Variants in FOXK1 observed in about 807,000 individuals in gnomAD.
The protein encoded by FOXK1 is forkhead box K1.
A neutral mutation model predicts 51.9 loss-of-function variants in FOXK1; 19 were observed. The ratio of observed to expected loss-of-function variants is 0.37; its 90% CI spans 0.26 to 0.54. The LOEUF (loss-of-function observed/expected upper bound fraction) is 0.54, where lower values mean the gene tolerates loss of function less well. Among genes scored for constraint, FOXK1 ranks in the 20% least tolerant of loss-of-function variants. The pLI is 0.87. For missense variants in FOXK1, 870 were observed against 1,032.7 expected, an observed-to-expected ratio of 0.84 and a Z score of 2.16; for synonymous variants, 537 against 482.6, an observed-to-expected ratio of 1.11 and a Z score of -1.48.
In FOXK1 at chr7:4,762,604, C is replaced by T. The variant is rs1408850180; in HGVS notation, c.*140C>T. ...GGCATCGGCGGCACCTGGACACACC[C>T]AGCCCTTTCCATTTGATCGCCTGCC... is the stretch of plus-strand genomic sequence containing the variant. On this transcript the variant is annotated 3_prime_UTR_variant, in exon 9 of 9. Transcript: ENST00000328914. The surrounding 1 kb of genome is among the most constrained non-coding windows in gnomAD (Gnocchi z 5.7). 9.4e-6 allele frequency: 7 copies of T among 745,830 alleles called. No individual in the cohort carries two copies. Among genetic ancestry groups the T allele is most frequent in the Non-Finnish European group, 1.3e-5 (6 of 471,006 alleles). The allele number at this position is 745,830 out of a possible 1,614,324, so 46.2% of individuals were successfully genotyped here.
Position 4,759,567 on chromosome 7 carries a change from C to A in FOXK1, c.1668C>A (p.Ala556=), listed in dbSNP as rs370318084. The change falls in exon 7 of 9, where the codon GCC becomes GCA. Residue 556 remains alanine (A), a synonymous_variant. Transcript: ENST00000328914. ...GCTCCCATGATGCGGCGGGCGCAGC[C>A]GTGCTGGACCTGGGCAGCGAGGCCA... is the stretch of plus-strand genomic sequence containing the variant. ...AGGSHDAAGA[A]VLDLGSEARG... 6.5e-7 allele frequency: 1 copy of A among 1,538,402 alleles called. No individual in the cohort carries two copies. Among genetic ancestry groups the A allele is most frequent in the Admixed American group, 2.0e-5 (1 of 51,234 alleles).
At chr7:4,728,218 T>C (rs915292671) in intron 1 of FOXK1, among the ~76,000 whole-genome samples, 1 of 152,228 alleles carries the variant, frequency 6.6e-6, no homozygotes, top group Non-Finnish European at 1.5e-5. Context: ...TCTGATTCTT[T>C]GGATCATCGA....
chr7:4,705,513 CTCTT>C (rs201109620), intron 1 of FOXK1, among the ~76,000 whole-genome samples: 84 of 133,224 alleles, frequency 6.3e-4, no homozygotes, highest in Admixed American at 8.5e-4. Flanking sequence ...TCATTTCCTT[CTCTT>C]TCTCTCTCTC....
intron 1 of FOXK1, among the ~76,000 whole-genome samples, chr7:4,739,420 TTTG>T (rs143769635): frequency 0.024 from 3,652 of 152,322 alleles, 124 homozygotes; most frequent in African/African-American, 0.083. Flanking sequence ...TTGTTTTTGT[TTTG>T]TTTTGTTTTT....
chr7:4,686,937 C>CTTT (rs751835527), intron 1 of FOXK1, among the ~76,000 whole-genome samples: 1 of 117,218 alleles, frequency 8.5e-6, no homozygotes, highest in Non-Finnish European at 1.7e-5. Flanking sequence ...TTTTTCTTTT[C>CTTT]TTTTTTTTTT....
rs753426616 is a variant in FOXK1, at chr7:4,761,288, G to A, written c.1921G>A (p.Ala641Thr). The change falls in exon 8 of 9, where the codon GCC becomes ACC. Residue 641 changes from alanine to threonine, a missense_variant and splice_region_variant. Physicochemically the swap from Ala to Thr is moderately conservative, Grantham distance 58 (BLOSUM62 0). Around this residue, in one of 3 missense-constraint regions of FOXK1, gnomAD observed 457 missense variants for 510.8 expected, o/e 0.89. Coordinates refer to ENST00000328914, the MANE Select transcript of FOXK1 (RefSeq NM_001037165.2). The surrounding 1 kb of genome is among the most constrained non-coding windows in gnomAD (Gnocchi z 6.2). ...GAACAGTTTAGCCGGCAACGCTTAC[G>A]GTGAGGCCCTGGCCCTGTTCTCCAT... Reference protein sequence around the residue: ...PTNSLAGNAYALTSPLQLLAT... With the variant: ...PTNSLAGNAYTLTSPLQLLAT... 1 of 1,611,244 alleles carries A rather than the reference G, an allele frequency of 6.2e-7. No homozygotes were observed. The highest frequency in any genetic ancestry group is 8.5e-7 in the Non-Finnish European group (1 of 1,179,782).
rs377193623 is a variant in FOXK1 at position 4,764,205 on chromosome 7, C to T, written c.*1741C>T. ...CGCCCGTGGCCCCCATCAGAGTCCC[C>T]GTCCCCCAGGACAAGTGCAGAACCT... On this transcript the variant is annotated 3_prime_UTR_variant, in exon 9 of 9. Transcript: ENST00000328914. 26 of 154,188 alleles carry T rather than the reference C, an allele frequency of 1.7e-4. No individual in the cohort carries two copies. The Middle Eastern group carries it at 1.8e-3, about 10-fold the overall frequency. 9.6% of individuals were successfully genotyped at this position (154,188 alleles called of 1,614,324 possible). A position where few individuals can be genotyped will look rare whatever the true frequency, so the allele number is the denominator to read the frequency against.
At position 4,709,777 on chromosome 7, in the gene FOXK1, G is replaced by A. The variant is rs527883631; in HGVS notation, c.560+26909G>A. Among the ~76,000 whole-genome samples the A allele has an allele frequency of 6.6e-6, 1 of 152,308 alleles. No individual in the cohort carries two copies. Among genetic ancestry groups the A allele is most frequent in the Admixed American group, 6.5e-5 (1 of 15,292 alleles). On this transcript the variant is annotated intron_variant, in intron 1 of 8. Transcript: ENST00000328914. The surrounding 1 kb of genome is among the most constrained non-coding windows in gnomAD (Gnocchi z 5.6). Reference sequence around the variant, plus strand: ...AATTCTTGGCGTTGAGTGACCTCACGATGTGCTGTCCGTCTTCTCGCTGTT... The same window carrying A: ...AATTCTTGGCGTTGAGTGACCTCACAATGTGCTGTCCGTCTTCTCGCTGTT...
At chr7:4,692,709 C>A (rs180878795) in intron 1 of FOXK1, among the ~76,000 whole-genome samples, 70 of 152,108 alleles carry the variant, frequency 4.6e-4, no homozygotes, top group African/African-American at 1.5e-3. Flanking sequence ...CCACCGCACC[C>A]GGCTGGGTAG....
chr7:4,684,084 C>G (rs1402355092), intron 1 of FOXK1, among the ~76,000 whole-genome samples: 1 of 152,200 alleles, frequency 6.6e-6, no homozygotes, highest in African/African-American at 2.4e-5. Context: ...ATTCCGGTTC[C>G]CTCCTTTCCA....
intron 1 of FOXK1, among the ~76,000 whole-genome samples, chr7:4,739,728 G>C (rs1018103273): frequency 6.6e-6 from 1 of 152,220 alleles, no homozygotes; most frequent in Non-Finnish European, 1.5e-5. Flanking sequence ...TGCGACTCCC[G>C]CCTGCCGGAG....
rs11975292 is a variant in FOXK1 at position 4,757,311 on chromosome 7, A to G, written c.1244+124A>G. ...CTCAGGCTCAGTGTACGGGCATGCA[A>G]CTGATCACAGGTCAAAAATATTCCA... On this transcript the variant is annotated intron_variant, in intron 5 of 8. Transcript: ENST00000328914. 9,059 of 838,950 alleles carry G rather than the reference A, an allele frequency of 0.011. 562 individuals are homozygous for G. The African/African-American group carries it at 0.14, about 13-fold the overall frequency. 52.0% of individuals were successfully genotyped at this position (838,950 alleles called of 1,614,324 possible).
intron 7 of FOXK1, 76 bp from the exon 8 acceptor site, chr7:4,760,988 A>T: frequency 1.4e-6 from 2 of 1,423,822 alleles, no homozygotes; most frequent in Non-Finnish European, 2.0e-6. Context: ...CACTTGTCCG[A>T]CCTGCTGCCC....
At chr7:4,718,805 T>C (rs756502455) in intron 1 of FOXK1, among the ~76,000 whole-genome samples, 28 of 152,228 alleles carry the variant, frequency 1.8e-4, no homozygotes, top group Non-Finnish European at 3.1e-4. Flanking sequence ...TATGTAGCTT[T>C]TGTTTTTTTG....
At chr7:4,736,420 T>G (rs1409273987) in intron 1 of FOXK1, among the ~76,000 whole-genome samples, 5 of 151,934 alleles carry the variant, frequency 3.3e-5, no homozygotes, top group Non-Finnish European at 4.4e-5. Flanking sequence ...TTTTGTTTTT[T>G]TTTTTTTTTT....
rs1487149960 is a variant in FOXK1 at position 4,756,638 on chromosome 7, G to A, written c.1051-356G>A. 6.6e-6 allele frequency among the ~76,000 whole-genome samples: 1 copy of A among 151,704 alleles called. No individual in the cohort carries two copies. The highest frequency in any genetic ancestry group is 1.5e-5 in the Non-Finnish European group (1 of 67,928). On this transcript the variant is annotated intron_variant, in intron 4 of 8. Coordinates refer to ENST00000328914, the MANE Select transcript of FOXK1 (RefSeq NM_001037165.2). This position sits in a 1 kb window ranked among gnomAD's most constrained non-coding sequence, Gnocchi z 4.1. ...AAATCAACCCAGCATGGTGGCCCAC[G>A]CCCATAGTCCCAGCTAGTCAGGAGG...
chr7:4,709,267 T>G lies in FOXK1; in HGVS notation c.560+26399T>G, dbSNP rs1780144489. Among the ~76,000 whole-genome samples the G allele has an allele frequency of 6.6e-6, 1 of 151,970 alleles. No homozygotes were observed. The highest frequency in any genetic ancestry group is 1.5e-5 in the Non-Finnish European group (1 of 67,980). On this transcript the variant is annotated intron_variant, in intron 1 of 8. Coordinates refer to ENST00000328914, the MANE Select transcript of FOXK1 (RefSeq NM_001037165.2). This position sits in a 1 kb window ranked among gnomAD's most constrained non-coding sequence, Gnocchi z 5.6. ...CTGTCATCCCGAGAATCCCACTGCA[T>G]GTTTTGGATCTGTCCGGGATCCCTC...
At position 4,769,213 on chromosome 7, in the gene FOXK1, C is replaced by T. The variant is rs1000627993; in HGVS notation, c.*6749C>T. The T allele has an allele frequency of 2.6e-5, 4 of 152,142 alleles. No homozygotes were observed. The highest frequency in any genetic ancestry group is 5.9e-5 in the Non-Finnish European group (4 of 68,012). 9.4% of individuals were successfully genotyped at this position (152,142 alleles called of 1,614,324 possible). A position where few individuals can be genotyped will look rare whatever the true frequency, so the allele number is the denominator to read the frequency against. Reference sequence around the variant, plus strand: ...CTCTTTGCACCTGCCCTGTCATTCTCGCCATGGGGAAAATGCGTTGAAAAG... The same window carrying T: ...CTCTTTGCACCTGCCCTGTCATTCTTGCCATGGGGAAAATGCGTTGAAAAG... On this transcript the variant is annotated 3_prime_UTR_variant, in exon 9 of 9. Transcript: ENST00000328914. The surrounding 1 kb of genome is among the most constrained non-coding windows in gnomAD (Gnocchi z 4.1).
chr7:4,713,742 G>A (rs1448777906), intron 1 of FOXK1, among the ~76,000 whole-genome samples: 1 of 151,330 alleles, frequency 6.6e-6, no homozygotes, highest in African/African-American at 2.4e-5. Flanking sequence ...TGCCCGCCTT[G>A]GCCGCTCAAA....
Sources: allele counts gnomAD v4.1 joint callset (sites outside exome capture counted in the v4.1 genomes callset), GRCh38; gene constraint gnomAD v4.1.1; regional missense constraint gnomAD v4.1.1; non-coding constraint Gnocchi (gnomAD v3.1); transcripts MANE v1.5; gene names NCBI Gene and HGNC (gene_info 2026-07-23, HGNC 2026-07-21).